The following USP12 variants were observed in gnomAD, a reference collection of about 807,000 sequenced individuals.
USP12 encodes ubiquitin carboxyl-terminal hydrolase 12.
In USP12, 19 loss-of-function variants were observed where a neutral mutation model predicts 45.5. The ratio of observed to expected loss-of-function variants is 0.42; its 90% confidence interval spans 0.29 to 0.61. The LOEUF (loss-of-function observed/expected upper bound fraction) is 0.61, where lower values mean the gene tolerates loss of function less well. USP12 is among the 20% of genes least tolerant of loss of function. The pLI is 0.22. For synonymous variants in USP12, 149 were observed against 148.8 expected (o/e 1.00, Z -0.01); for missense variants, 242 against 447.7 (o/e 0.54, Z 4.15).
At chr13:27,121,409 G>A (rs533282599) in intron 1 of USP12, among the ~76,000 whole-genome samples, 7 of 151,406 alleles carry the variant, frequency 4.6e-5, no homozygotes, top group South Asian at 2.1e-4. Context: ...TTACAAATTC[G>A]CTCTGGAATG....
chr13:27,069,177 C>T lies in USP12; in HGVS notation c.*106G>A. The T allele has an allele frequency of 3.2e-6, 3 of 938,064 alleles. No homozygotes were observed. Among genetic ancestry groups the T allele is most frequent in the Middle Eastern group, 3.2e-4 (1 of 3,112 alleles). The allele number at this position is 938,064 out of a possible 1,614,324, so 58.1% of individuals were successfully genotyped here. A position where few individuals can be genotyped will look rare whatever the true frequency, so the allele number is the denominator to read the frequency against. On this transcript the variant is annotated 3_prime_UTR_variant, in exon 9 of 9. Transcript: ENST00000282344. ...CGTGTGCAAAGTGTGCTACTGCCCC[C>T]TGAGCTTCCTGCATTTCTCTTTTCT...
At chr13:27,170,526 T>TATA (rs572356244) in intron 1 of USP12, among the ~76,000 whole-genome samples, 1 of 152,338 alleles carries the variant, frequency 6.6e-6, no homozygotes, top group African/African-American at 2.4e-5. Context: ...GATCCCTACA[T>TATA]ATAAGCTCAT....
chr13:27,095,783 A>G lies in USP12; in HGVS notation c.391T>C (p.Tyr131His). The G allele has an allele frequency of 6.2e-7, 1 of 1,611,524 alleles. No homozygotes were observed. Among genetic ancestry groups the G allele is most frequent in the Non-Finnish European group, 8.5e-7 (1 of 1,179,172 alleles). ...MQQDAHEFLN[Y>H]LLNTIADILQ... is the part of the protein sequence containing the mutation. ...ATATCAGCAATTGTATTTAGTAGGT[A>G]ATTTAAGAATTCATGGGCATCTTGT... The change falls in exon 4 of 9, where the codon TAC becomes CAC. Residue 131 changes from tyrosine to histidine, a missense_variant. By Grantham distance (83) the Tyr-to-His change is moderately conservative. Coordinates refer to ENST00000282344, the MANE Select transcript of USP12 (RefSeq NM_182488.4).
intron 8 of USP12, 140 bp downstream of exon 8, chr13:27,070,931 G>A (rs1272895696): frequency 3.0e-6 from 2 of 665,106 alleles, no homozygotes; most frequent in Non-Finnish European, 4.9e-6. Context: ...GTAAGAAGTA[G>A]GAATTAGACT....
At chr13:27,121,847 C>T (rs1204390507) in intron 1 of USP12, among the ~76,000 whole-genome samples, 1 of 151,064 alleles carries the variant, frequency 6.6e-6, no homozygotes, top group East Asian at 1.9e-4. Context: ...GGAGACAGAG[C>T]GAGACTCTGT....
At chr13:27,152,802 C>T (rs994184899) in intron 1 of USP12, among the ~76,000 whole-genome samples, 1 of 151,810 alleles carries the variant, frequency 6.6e-6, no homozygotes. Context: ...ATTAGCCAGG[C>T]GTGGTGGCGG....
intron 1 of USP12, among the ~76,000 whole-genome samples, chr13:27,159,368 G>T (rs1734724335): frequency 6.6e-6 from 1 of 152,116 alleles, no homozygotes; most frequent in Non-Finnish European, 1.5e-5. Context: ...TTAAACACAG[G>T]CTGTTCCTAA....
At chr13:27,111,808 C>T (rs1054711263) in intron 2 of USP12, among the ~76,000 whole-genome samples, 21 of 152,078 alleles carry the variant, frequency 1.4e-4, no homozygotes, top group Non-Finnish European at 7.4e-5. Context: ...TAAGTGAGAG[C>T]AATGAGATTG....
rs1409966079 is a variant in USP12, at chr13:27,066,412, T to A, written c.*2871A>T. On this transcript the variant is annotated 3_prime_UTR_variant, in exon 9 of 9. Coordinates refer to ENST00000282344, the MANE Select transcript of USP12 (RefSeq NM_182488.4). Reference sequence around the variant, plus strand: ...TCCCAGCTCCCAGCCAAATACCTCATGATAGAATCTTTAATAAAAAGTGTT... The same window carrying A: ...TCCCAGCTCCCAGCCAAATACCTCAAGATAGAATCTTTAATAAAAAGTGTT... The A allele has an allele frequency of 6.6e-6, 1 of 152,186 alleles. No individual in the cohort carries two copies. The highest frequency in any genetic ancestry group is 1.9e-4 in the East Asian group (1 of 5,190). 9.4% of individuals were successfully genotyped at this position (152,186 alleles called of 1,614,324 possible).
At chr13:27,169,407 T>C (rs936393444) in intron 1 of USP12, among the ~76,000 whole-genome samples, 3 of 152,154 alleles carry the variant, frequency 2.0e-5, no homozygotes, top group Non-Finnish European at 4.4e-5. Flanking sequence ...TGCTTTTCAA[T>C]TTTGTGATTC....
At chr13:27,090,551 A>G (rs1170055726) in intron 4 of USP12, among the ~76,000 whole-genome samples, 1 of 152,252 alleles carries the variant, frequency 6.6e-6, no homozygotes, top group East Asian at 1.9e-4. Context: ...TCATTAAAAA[A>G]AAAATTTAGC....
chr13:27,067,677 A>T lies in USP12; in HGVS notation c.*1606T>A, dbSNP rs1008411399. ...GTTAATAATAGCAGCAGACTAAAAA[A>T]TTCCTTTTTGTTGTTTTCCATAGTC... is the stretch of plus-strand genomic sequence containing the variant. On this transcript the variant is annotated 3_prime_UTR_variant, in exon 9 of 9. Transcript: ENST00000282344. 2.6e-5 allele frequency: 4 copies of T among 152,180 alleles called. No homozygotes were observed. Among genetic ancestry groups the T allele is most frequent in the Non-Finnish European group, 5.9e-5 (4 of 68,030 alleles). 9.4% of individuals were successfully genotyped at this position (152,180 alleles called of 1,614,324 possible).
intron 2 of USP12, among the ~76,000 whole-genome samples, chr13:27,110,727 C>T (rs1593189962): frequency 6.6e-6 from 1 of 152,166 alleles, no homozygotes; most frequent in Non-Finnish European, 1.5e-5. Flanking sequence ...CTGAATGTTA[C>T]TAAGATTAAT....
At chr13:27,160,436 A>C (rs1878052473) in intron 1 of USP12, among the ~76,000 whole-genome samples, 1 of 152,112 alleles carries the variant, frequency 6.6e-6, no homozygotes, top group Non-Finnish European at 1.5e-5. Context: ...AATTGAAAAA[A>C]AAAATGCAAT....
intron 2 of USP12, among the ~76,000 whole-genome samples, chr13:27,111,652 A>ATTTT (rs1875453051): frequency 6.6e-6 from 1 of 152,190 alleles, no homozygotes; most frequent in African/African-American, 2.4e-5. Context: ...TACTAAGACC[A>ATTTT]TTTTGAGCGC....
chr13:27,122,050 C>G (rs540400842), intron 1 of USP12, among the ~76,000 whole-genome samples: 1 of 150,944 alleles, frequency 6.6e-6, no homozygotes, highest in Non-Finnish European at 1.5e-5. Context: ...AATGGTGTGG[C>G]CAGGCATGGT....
At chr13:27,155,371 G>A (rs1237384595) in intron 1 of USP12, among the ~76,000 whole-genome samples, 1 of 151,986 alleles carries the variant, frequency 6.6e-6, no homozygotes, top group African/African-American at 2.4e-5. Context: ...GTGAGCCACT[G>A]CACCCAGCGA....
chr13:27,120,149 G>A (rs1875916097), intron 1 of USP12, among the ~76,000 whole-genome samples: 2 of 152,164 alleles, frequency 1.3e-5, no homozygotes, highest in Non-Finnish European at 2.9e-5. Flanking sequence ...CATTCCTGAA[G>A]GATTTTGTTG....
At chr13:27,121,833 C>T (rs1876005102) in intron 1 of USP12, among the ~76,000 whole-genome samples, 1 of 151,886 alleles carries the variant, frequency 6.6e-6, no homozygotes, top group South Asian at 2.1e-4. Context: ...TGCACTCCAG[C>T]CTGGGAGACA....
Sources: gnomAD v4.1 joint callset for allele counts (sites outside exome capture counted in the v4.1 genomes callset) on GRCh38, gnomAD v4.1.1 for gene constraint, MANE v1.5 for transcripts, NCBI Gene and HGNC (gene_info 2026-07-23, HGNC 2026-07-21) for gene names.